The following LRRC3B variants were observed in gnomAD, a reference collection of about 807,000 sequenced individuals.
LRRC3B encodes the protein leucine-rich repeat-containing protein 3B.
A neutral mutation model predicts 12.8 loss-of-function variants in LRRC3B; 2 were observed. The ratio of observed to expected loss-of-function variants is 0.16; its 90% CI spans 0.06 to 0.49. The LOEUF (loss-of-function observed/expected upper bound fraction) is 0.49, where lower values mean the gene tolerates loss of function less well. LRRC3B is among the 20% of genes least tolerant of loss of function. The pLI is 0.96. For synonymous variants in LRRC3B, 132 were observed against 122.0 expected (o/e 1.08, Z -0.54); for missense variants, 189 against 319.4 (o/e 0.59, Z 3.11).
At chr3:26,695,808 A>G (rs749769261) in intron 1 of LRRC3B, among the ~76,000 whole-genome samples, 2 of 152,218 alleles carry the variant, frequency 1.3e-5, no homozygotes, top group Non-Finnish European at 2.9e-5. Flanking sequence ...ACAAGGGAGC[A>G]AAAGGACTGA....
chr3:26,707,294 G>T (rs1199831433), intron 1 of LRRC3B, among the ~76,000 whole-genome samples: 5 of 150,904 alleles, frequency 3.3e-5, no homozygotes, highest in African/African-American at 1.2e-4. Flanking sequence ...GAACCTGGCA[G>T]GCGGAGATTT....
chr3:26,627,515 A>T (rs916346862), intron 1 of LRRC3B, among the ~76,000 whole-genome samples: 2 of 152,098 alleles, frequency 1.3e-5, no homozygotes, highest in African/African-American at 4.8e-5. Flanking sequence ...CAATATTGTC[A>T]GAGGAGGGAT....
intron 1 of LRRC3B, among the ~76,000 whole-genome samples, chr3:26,692,628 C>A (rs1700214946): frequency 6.6e-6 from 1 of 152,150 alleles, no homozygotes; most frequent in Admixed American, 6.5e-5. Context: ...TATTAAAAAG[C>A]ATACTGTTCT....
chr3:26,658,582 G>A (rs1446503890), intron 1 of LRRC3B, among the ~76,000 whole-genome samples: 1 of 152,180 alleles, frequency 6.6e-6, no homozygotes, highest in Non-Finnish European at 1.5e-5. Flanking sequence ...GAAGAGACAG[G>A]TCCTGTTCTT....
At chr3:26,667,100 A>G (rs558698479) in intron 1 of LRRC3B, among the ~76,000 whole-genome samples, 184 of 147,388 alleles carry the variant, frequency 1.2e-3, no homozygotes, top group Non-Finnish European at 2.0e-3. Flanking sequence ...AACCATTATT[A>G]GTAAAGTCTC....
At chr3:26,648,063 T>A (rs1195547910) in intron 1 of LRRC3B, among the ~76,000 whole-genome samples, 2 of 151,926 alleles carry the variant, frequency 1.3e-5, no homozygotes, top group East Asian at 3.9e-4. Flanking sequence ...ATCTTGCCCA[T>A]GTATGGTATA....
intron 1 of LRRC3B, among the ~76,000 whole-genome samples, chr3:26,671,828 A>ATATC (rs1454909101): frequency 6.6e-6 from 1 of 152,190 alleles, no homozygotes; most frequent in Non-Finnish European, 1.5e-5. Context: ...GGGCCTTTAG[A>ATATC]TATCTGTCCT....
At chr3:26,660,107 T>C (rs1699462981) in intron 1 of LRRC3B, among the ~76,000 whole-genome samples, 3 of 152,188 alleles carry the variant, frequency 2.0e-5, no homozygotes, top group Admixed American at 6.5e-5. Context: ...TTCATAATTA[T>C]ATTACTCCAT....
intron 1 of LRRC3B, among the ~76,000 whole-genome samples, chr3:26,634,464 A>C (rs181500177): frequency 1.3e-5 from 2 of 152,320 alleles, no homozygotes; most frequent in Admixed American, 1.3e-4. Flanking sequence ...TAAAAACATC[A>C]CAAGGAGCTT....
intron 1 of LRRC3B, among the ~76,000 whole-genome samples, chr3:26,672,981 GTTTA>G (rs1230794647): frequency 6.6e-6 from 1 of 152,124 alleles, no homozygotes; most frequent in Admixed American, 6.5e-5. Flanking sequence ...GGCGAAGTAG[GTTTA>G]TTTATTGTCC....
At chr3:26,673,675 C>G (rs1218044813) in intron 1 of LRRC3B, among the ~76,000 whole-genome samples, 1 of 152,184 alleles carries the variant, frequency 6.6e-6, no homozygotes, top group Non-Finnish European at 1.5e-5. Context: ...GGTCTCTAAG[C>G]TGCTCTGCCT....
chr3:26,678,121 C>G (rs11129239), intron 1 of LRRC3B, among the ~76,000 whole-genome samples: 1 of 151,914 alleles, frequency 6.6e-6, no homozygotes, highest in East Asian at 1.9e-4. Context: ...CCAACCAACA[C>G]TGGTATTTTT....
chr3:26,661,602 G>A (rs1272915596), intron 1 of LRRC3B, among the ~76,000 whole-genome samples: 2 of 151,982 alleles, frequency 1.3e-5, no homozygotes, highest in South Asian at 2.1e-4. Flanking sequence ...CACATCAAAT[G>A]GATATATTAT....
chr3:26,646,083 C>G (rs17287421), intron 1 of LRRC3B, among the ~76,000 whole-genome samples: 5,577 of 152,210 alleles, frequency 0.037, 165 homozygotes, highest in Non-Finnish European at 0.05. Flanking sequence ...TCTCTATACA[C>G]TTATCGTTCA....
At chr3:26,707,044 C>T (rs191940261) in intron 1 of LRRC3B, among the ~76,000 whole-genome samples, 4 of 151,948 alleles carry the variant, frequency 2.6e-5, no homozygotes, top group African/African-American at 4.8e-5. Flanking sequence ...TAAAAAGCAT[C>T]GAACTTTTAC....
chr3:26,710,273 A>T, exon 2 of LRRC3B: 1 of 1,613,966 alleles, frequency 6.2e-7, no homozygotes, highest in Admixed American at 1.7e-5. Context: ...CCCTAAAAAA[A>T]CTACCGATTA....
At chr3:26,695,888 G>A (rs184015583) in intron 1 of LRRC3B, among the ~76,000 whole-genome samples, 1 of 152,100 alleles carries the variant, frequency 6.6e-6, no homozygotes, top group East Asian at 1.9e-4. Context: ...AGGGCATTTC[G>A]GCCTCCTCAG....
intron 1 of LRRC3B, among the ~76,000 whole-genome samples, chr3:26,700,849 T>C (rs1301224780): frequency 6.6e-6 from 1 of 152,192 alleles, no homozygotes; most frequent in East Asian, 1.9e-4. Flanking sequence ...TTATATAACC[T>C]CTTTAAGCCT....
chr3:26,651,533 A>G (rs758213683), intron 1 of LRRC3B, among the ~76,000 whole-genome samples: 3 of 152,176 alleles, frequency 2.0e-5, no homozygotes, highest in East Asian at 1.9e-4. Flanking sequence ...TACTTTATCA[A>G]TGCTGTGTTC....
Sources: allele counts gnomAD v4.1 joint callset (sites outside exome capture counted in the v4.1 genomes callset), GRCh38; gene constraint gnomAD v4.1.1; transcripts MANE v1.5; gene names NCBI Gene and HGNC (gene_info 2026-07-23, HGNC 2026-07-21).